UTY: variants seen among roughly 807,000 people sequenced by gnomAD.
The protein encoded by UTY is ubiquitously transcribed tetratricopeptide repeat containing, Y-linked, also known as histone demethylase UTY.
A neutral mutation model predicts 32.5 loss-of-function variants in UTY; 12 were observed. The ratio of observed to expected loss-of-function variants is 0.37; its 90% confidence interval spans 0.24 to 0.60. The LOEUF is 0.60. Ranked by LOEUF, UTY falls within the 20% of genes least tolerant of loss-of-function variation. The pLI is 0.69. For missense variants in UTY, 303 were observed against 299.2 expected, an observed-to-expected ratio of 1.01 and a Z score of -0.09; for synonymous variants, 131 against 103.4, an observed-to-expected ratio of 1.27 and a Z score of -1.62.
At chrY:13,395,088 T>C (rs1046810470) in intron 7 of UTY, among the ~76,000 whole-genome samples, 4 of 33,028 alleles carry the variant, frequency 1.2e-4, no homozygotes, top group African/African-American at 2.4e-4. Flanking sequence ...TTTATAAAAA[T>C]AGACAAATAG....
chrY:13,269,972 C>A (rs2056190973), intron 27 of UTY, among the ~76,000 whole-genome samples: 1 of 34,305 alleles, frequency 2.9e-5, no homozygotes, highest in Non-Finnish European at 7.3e-5. Flanking sequence ...AGTTGTAGAC[C>A]AGAGCTGTTC....
At chrY:13,365,626 T>C in intron 10 of UTY, among the ~76,000 whole-genome samples, 1 of 31,988 alleles carries the variant, frequency 3.1e-5, no homozygotes, top group Non-Finnish European at 7.5e-5. Flanking sequence ...TTTTAAACAT[T>C]AATTATATTG....
chrY:13,242,800 A>C, intron 28 of UTY, among the ~76,000 whole-genome samples: 1 of 34,072 alleles, frequency 2.9e-5, no homozygotes, highest in East Asian at 7.5e-4. Flanking sequence ...CCCAAGAATA[A>C]ATCCAGATAT....
intron 3 of UTY, among the ~76,000 whole-genome samples, chrY:13,453,629 T>C (rs2076496801): frequency 2.9e-5 from 1 of 33,925 alleles, no homozygotes; most frequent in Non-Finnish European, 7.3e-5. Flanking sequence ...CGAACAGATA[T>C]TTCTCCAAAG....
chrY:13,289,322 AAAACC>A (rs2057613170), intron 27 of UTY, among the ~76,000 whole-genome samples: 1 of 34,232 alleles, frequency 2.9e-5, no homozygotes. Context: ...ACAAAAAAGT[AAAACC>A]AAAGACAGGC....
At chrY:13,351,330 T>C in intron 17 of UTY, among the ~76,000 whole-genome samples, 2 of 33,373 alleles carry the variant, frequency 6.0e-5, no homozygotes. Flanking sequence ...TTATGTCTTA[T>C]TGAAATAGCA....
intron 21 of UTY, among the ~76,000 whole-genome samples, chrY:13,316,473 G>A: frequency 3.3e-5 from 1 of 30,290 alleles, no homozygotes; most frequent in Non-Finnish European, 7.8e-5. Context: ...TTTTTAACCC[G>A]CTTCTAGGAT....
chrY:13,263,310 A>T (rs2055450875), intron 27 of UTY, among the ~76,000 whole-genome samples: 1 of 33,161 alleles, frequency 3.0e-5, no homozygotes, highest in African/African-American at 1.2e-4. Context: ...AGAAATTTTT[A>T]TTGCTTACCA....
intron 6 of UTY, among the ~76,000 whole-genome samples, chrY:13,403,692 C>T: frequency 6.0e-5 from 2 of 33,144 alleles, no homozygotes; most frequent in Non-Finnish European, 1.5e-4. Context: ...CAGAAAACAA[C>T]AATGTGGGTA....
At chrY:13,237,375 G>A (rs2053861128) in intron 28 of UTY, among the ~76,000 whole-genome samples, 1 of 33,903 alleles carries the variant, frequency 2.9e-5, no homozygotes, top group Admixed American at 2.6e-4. Context: ...GATCATCCAA[G>A]AGAGAGCACT....
intron 17 of UTY, among the ~76,000 whole-genome samples, chrY:13,339,879 A>G (rs2061374625): frequency 3.0e-5 from 1 of 33,232 alleles, no homozygotes. Context: ...TAGGATCTGG[A>G]CTGGTGGATG....
At chrY:13,343,205 GTGGCTATGGGA>G (rs2061622306) in intron 17 of UTY, among the ~76,000 whole-genome samples, 1 of 32,885 alleles carries the variant, frequency 3.0e-5, no homozygotes, top group Non-Finnish European at 7.5e-5. Context: ...ACTAGACTTG[GTGGCTATGGGA>G]TGGCCTCCCT....
At chrY:13,476,041 A>G in intron 2 of UTY, 2 of 225,578 alleles carry the variant, frequency 8.9e-6, no homozygotes, top group Non-Finnish European at 1.1e-5. Context: ...GGGAAAAAAA[A>G]GTAAAGTAAA....
chrY:13,328,566 T>C, intron 18 of UTY, among the ~76,000 whole-genome samples: 1 of 33,889 alleles, frequency 3.0e-5, no homozygotes, highest in Non-Finnish European at 7.4e-5. Flanking sequence ...GCTTTTTCTC[T>C]ACAACTCAGA....
intron 6 of UTY, among the ~76,000 whole-genome samples, chrY:13,401,691 T>A (rs2069055230): frequency 3.1e-5 from 1 of 31,944 alleles, no homozygotes; most frequent in Non-Finnish European, 7.6e-5. Context: ...GCCTGACCAA[T>A]ATGGTGAAGC....
chrY:13,335,730 G>A lies in UTY; in HGVS notation c.2667C>T (p.Asn889=), dbSNP rs1220276810. The change falls in exon 18 of 30, where the codon AAC becomes AAT. Residue 889 remains asparagine (N), a synonymous_variant. Coordinates refer to ENST00000545955, the MANE Select transcript of UTY (RefSeq NM_001258249.2). ...QRSINSVTSL[N]SPHSGLHTVN... ...CTGTGTGTAATCCACTGTGAGGACT[G>A]TTAAGGCTGGTAACACTGTTTATGC... is the stretch of plus-strand genomic sequence containing the variant. The A allele has an allele frequency of 2.5e-6, 1 of 397,336 alleles. No homozygotes were observed. Among genetic ancestry groups the A allele is most frequent in the Admixed American group, 7.5e-5 (1 of 13,261 alleles).
chrY:13,395,468 A>G (rs2068022133), intron 7 of UTY, among the ~76,000 whole-genome samples: 1 of 32,309 alleles, frequency 3.1e-5, no homozygotes, highest in Non-Finnish European at 7.5e-5. Flanking sequence ...TCCACAAAAA[A>G]TACAAAAAAT....
At chrY:13,271,194 G>T (rs765477495) in intron 27 of UTY, among the ~76,000 whole-genome samples, 1 of 33,636 alleles carries the variant, frequency 3.0e-5, no homozygotes, top group African/African-American at 1.2e-4. Flanking sequence ...ACTGTGGATA[G>T]CAAAGACAAC....
intron 8 of UTY, among the ~76,000 whole-genome samples, chrY:13,386,880 T>C (rs2066880311): frequency 3.0e-5 from 1 of 32,974 alleles, no homozygotes. Flanking sequence ...GTGCCTGCAA[T>C]CCCAGCTGTT....
Sources: gnomAD v4.1 joint callset for allele counts (sites outside exome capture counted in the v4.1 genomes callset) on GRCh38, gnomAD v4.1.1 for gene constraint, MANE v1.5 for transcripts, NCBI Gene and HGNC (gene_info 2026-07-23, HGNC 2026-07-21) for gene names.